Variants in SSX2IP observed in about 807,000 individuals in gnomAD.
SSX2IP encodes SSX family member 2 interacting protein, also known as afadin- and alpha-actinin-binding protein.
In SSX2IP, 55 loss-of-function variants were observed where a neutral mutation model predicts 84.9. The ratio of observed to expected loss-of-function variants is 0.65; its 90% CI spans 0.52 to 0.81. SSX2IP has a LOEUF of 0.81. Ranked by LOEUF, SSX2IP falls within the 30% of genes least tolerant of loss-of-function variation. The probability of loss-of-function intolerance (pLI) is 0.00; values close to 1 mark genes in which losing one functional copy is unlikely to be tolerated. For missense variants in SSX2IP, 664 were observed against 705.2 expected (o/e 0.94, Z 0.66); for synonymous variants, 239 against 234.7 (o/e 1.02, Z -0.17).
At chr1:84,681,217 A>G (rs1655037937) in intron 1 of SSX2IP, among the ~76,000 whole-genome samples, 1 of 152,250 alleles carries the variant, frequency 6.6e-6, no homozygotes, top group Non-Finnish European at 1.5e-5. Flanking sequence ...TAGGCATATA[A>G]GAGAGCAAGC....
chr1:84,656,519 T>C (rs771766564), intron 9 of SSX2IP, 35 bp from the exon 10 acceptor site: 14 of 1,589,510 alleles, frequency 8.8e-6, no homozygotes, highest in East Asian at 2.3e-5. Context: ...ATAGGTCTTA[T>C]AGCCACCACT....
intron 4 of SSX2IP, among the ~76,000 whole-genome samples, chr1:84,668,832 T>G (rs1253390054): frequency 6.6e-6 from 1 of 152,034 alleles, no homozygotes; most frequent in Non-Finnish European, 1.5e-5. Flanking sequence ...TAAACGGGCA[T>G]GGACCAACAG....
At chr1:84,666,661 T>G (rs1304803767) in intron 4 of SSX2IP, among the ~76,000 whole-genome samples, 1 of 152,102 alleles carries the variant, frequency 6.6e-6, no homozygotes, top group Non-Finnish European at 1.5e-5. Context: ...TGGAGCTAAG[T>G]CTGAAGAAAA....
At chr1:84,650,560 A>C in intron 12 of SSX2IP, 33 bp from the exon 13 acceptor site, 4 of 1,611,442 alleles carry the variant, frequency 2.5e-6, no homozygotes, top group Middle Eastern at 3.3e-4. Flanking sequence ...AAAAGGCAGT[A>C]CATATGGTGA....
chr1:84,685,990 T>C (rs1463477351), intron 1 of SSX2IP, among the ~76,000 whole-genome samples: 1 of 152,198 alleles, frequency 6.6e-6, no homozygotes, highest in African/African-American at 2.4e-5. Context: ...TTAGGCTCTA[T>C]ATACGATTTC....
Position 84,661,016 on chromosome 1 carries a change from G to A in SSX2IP, c.927+1182C>T, listed in dbSNP as rs192987092. Among the ~76,000 whole-genome samples the A allele has an allele frequency of 3.5e-4, 52 of 146,996 alleles. No individual in the cohort carries two copies. In the East Asian group the frequency reaches 7.8e-3, roughly 22 times the overall value. ...CGGGAGGCAGAGGTTGCAGCGAGTC[G>A]AGATTGTGCCACTGCGCTCCAGCCT... is the stretch of plus-strand genomic sequence containing the variant. On this transcript the variant is annotated intron_variant, in intron 8 of 13. Coordinates refer to ENST00000342203, the MANE Select transcript of SSX2IP (RefSeq NM_001166293.2).
chr1:84,672,854 C>T (rs1395571637), intron 1 of SSX2IP, among the ~76,000 whole-genome samples: 13 of 152,028 alleles, frequency 8.6e-5, no homozygotes, highest in African/African-American at 2.4e-4. Context: ...GCGAAACCCC[C>T]GTCTCTACTG....
At chr1:84,661,223 A>C (rs1651933000) in intron 8 of SSX2IP, among the ~76,000 whole-genome samples, 1 of 152,158 alleles carries the variant, frequency 6.6e-6, no homozygotes, top group Non-Finnish European at 1.5e-5. Flanking sequence ...AAGTTCTGGT[A>C]TCTTGCTGTT....
At chr1:84,677,701 A>G (rs932206209) in intron 1 of SSX2IP, among the ~76,000 whole-genome samples, 1 of 152,160 alleles carries the variant, frequency 6.6e-6, no homozygotes, top group African/African-American at 2.4e-5. Flanking sequence ...CCTCCTGGGG[A>G]AAACAAGCCA....
At chr1:84,675,025 T>C (rs775603628) in intron 1 of SSX2IP, among the ~76,000 whole-genome samples, 27 of 152,234 alleles carry the variant, frequency 1.8e-4, no homozygotes, top group Non-Finnish European at 3.4e-4. Flanking sequence ...TGCAAAGCAT[T>C]TTTTATGAAG....
rs927366551 is a variant in SSX2IP, at chr1:84,671,224, A to C, written c.-5T>G. On this transcript the variant is annotated 5_prime_UTR_variant, in exon 2 of 14. Transcript: ENST00000342203. Reference sequence around the variant, plus strand: ...AACAGTCATCCAATCTCCCATAGCAATCTCTAGAGCCAGGATACCTGAGGA... The same window carrying C: ...AACAGTCATCCAATCTCCCATAGCACTCTCTAGAGCCAGGATACCTGAGGA... The C allele has an allele frequency of 5.0e-6, 8 of 1,610,038 alleles. No individual in the cohort carries two copies. Among genetic ancestry groups the C allele is most frequent in the Non-Finnish European group, 6.8e-6 (8 of 1,177,926 alleles).
rs1204454322 is a variant in SSX2IP, at chr1:84,671,056, TACA to T, written c.43+118_43+120del. The T allele has an allele frequency of 3.3e-6, 4 of 1,229,006 alleles. No individual in the cohort carries two copies. In the African/African-American group the frequency reaches 4.6e-5, roughly 14 times the overall value. 76.1% of individuals were successfully genotyped at this position (1,229,006 alleles called of 1,614,324 possible). On this transcript the variant is annotated intron_variant, in intron 2 of 13. Coordinates refer to ENST00000342203, the MANE Select transcript of SSX2IP (RefSeq NM_001166293.2). ...TCAGTAGACATGAAAATAAGTATTT[TACA>T]ACGATTTGTCTCTCTTTAGTCACAT...
At chr1:84,683,500 G>A (rs1243049315) in intron 1 of SSX2IP, among the ~76,000 whole-genome samples, 1 of 152,112 alleles carries the variant, frequency 6.6e-6, no homozygotes, top group African/African-American at 2.4e-5. Context: ...TGTGCTTCTA[G>A]AACACTTAAC....
intron 1 of SSX2IP, among the ~76,000 whole-genome samples, chr1:84,683,232 G>A (rs927437412): frequency 6.6e-6 from 1 of 151,788 alleles, no homozygotes; most frequent in African/African-American, 2.4e-5. Context: ...TAGGTTTTAA[G>A]CCCCGCATGC....
At chr1:84,681,722 G>C (rs556016065) in intron 1 of SSX2IP, among the ~76,000 whole-genome samples, 2 of 152,202 alleles carry the variant, frequency 1.3e-5, no homozygotes, top group Non-Finnish European at 2.9e-5. Flanking sequence ...CCCTGTCCTT[G>C]AGTGGAAATC....
Position 84,646,018 on chromosome 1 carries a change from A to G in SSX2IP, c.*1415T>C, listed in dbSNP as rs1309866193. 1.3e-5 allele frequency: 2 copies of G among 152,224 alleles called. No homozygotes were observed. The highest frequency in any genetic ancestry group is 2.4e-5 in the African/African-American group (1 of 41,446). The allele number at this position is 152,224 out of a possible 1,614,324, so 9.4% of individuals were successfully genotyped here. On this transcript the variant is annotated 3_prime_UTR_variant, in exon 14 of 14. Transcript: ENST00000342203. ...CATAGTTACGTATAGTGAATGGACA[A>G]CACAAATAGGTGGGTTTTTTTTGTT... is the stretch of plus-strand genomic sequence containing the variant.
chr1:84,683,178 A>G (rs1460394124), intron 1 of SSX2IP, among the ~76,000 whole-genome samples: 1 of 151,864 alleles, frequency 6.6e-6, no homozygotes, highest in East Asian at 1.9e-4. Flanking sequence ...TTTGGGATAC[A>G]TGTGCAGAAC....
rs575636264 is a variant in SSX2IP, at chr1:84,646,712, A to G, written c.*721T>C. 6.5e-6 allele frequency: 1 copy of G among 152,694 alleles called. No individual in the cohort carries two copies. The highest frequency in any genetic ancestry group is 2.4e-5 in the African/African-American group (1 of 41,572). The allele number at this position is 152,694 out of a possible 1,614,324, so 9.5% of individuals were successfully genotyped here. On this transcript the variant is annotated 3_prime_UTR_variant, in exon 14 of 14. Transcript: ENST00000342203. ...AATGTCATAAAAATCTCAAAAATGT[A>G]ATGTTAGTAGTGTTGATTATCTAAA...
intron 1 of SSX2IP, among the ~76,000 whole-genome samples, chr1:84,674,896 G>C (rs1654105769): frequency 6.6e-6 from 1 of 152,098 alleles, no homozygotes; most frequent in Non-Finnish European, 1.5e-5. Context: ...TACCCGACCA[G>C]TTTTTCCAAG....
Sources: allele counts gnomAD v4.1 joint callset (sites outside exome capture counted in the v4.1 genomes callset), GRCh38; gene constraint gnomAD v4.1.1; transcripts MANE v1.5; gene names NCBI Gene and HGNC (gene_info 2026-07-23, HGNC 2026-07-21).